The following MAGI3 variants were observed in gnomAD, a reference collection of about 807,000 sequenced individuals.
MAGI3 encodes the protein membrane associated guanylate kinase, WW and PDZ domain containing 3, also known as membrane-associated guanylate kinase, WW and PDZ domain-containing protein 3.
MAGI3 carries 43 observed loss-of-function variants against 121.8 expected under a neutral mutation model. The observed-to-expected ratio is 0.35, with a 90% CI of 0.28 to 0.46. The LOEUF is 0.46. MAGI3 is among the 20% of genes least tolerant of loss of function. MAGI3 has a pLI of 1.00. For missense variants in MAGI3, 1,547 were observed against 1,797.3 expected (o/e 0.86, Z 2.52); for synonymous variants, 553 against 639.3 (o/e 0.86, Z 2.04).
In MAGI3 at chr1:113,391,412, T is replaced by A. The variant is rs1650807351; in HGVS notation, c.316+63T>A. 1 of 1,528,122 alleles carries A rather than the reference T, an allele frequency of 6.5e-7. No homozygotes were observed. Among genetic ancestry groups the A allele is most frequent in the Non-Finnish European group, 8.9e-7 (1 of 1,129,430 alleles). The allele number at this position is 1,528,122 out of a possible 1,614,324, so 94.7% of individuals were successfully genotyped here. A position where few individuals can be genotyped will look rare whatever the true frequency, so the allele number is the denominator to read the frequency against. On this transcript the variant is annotated intron_variant, in intron 1 of 20. Transcript: ENST00000307546. The surrounding 1 kb of genome is among the most constrained non-coding windows in gnomAD (Gnocchi z 4.4). ...GAGAGGGGCTTCAGGGTGGGCGTCC[T>A]GGGAGCGGCGGCACCTCCCCACCGC...
chr1:113,410,756 G>T (rs913526235), intron 1 of MAGI3, among the ~76,000 whole-genome samples: 2 of 152,012 alleles, frequency 1.3e-5, no homozygotes, highest in Non-Finnish European at 2.9e-5. Flanking sequence ...TGACTGTCAT[G>T]TTGATAAACA....
rs751213981 is a variant in MAGI3, at chr1:113,642,025, G to A, written c.1475G>A (p.Arg492His). The A allele has an allele frequency of 1.3e-5, 21 of 1,613,968 alleles. No individual in the cohort carries two copies. The highest frequency in any genetic ancestry group is 2.2e-5 in the East Asian group (1 of 44,898). ...VNQYVNLTLC[R>H]GYPLPDDSED... The stretch of plus-strand genomic sequence containing the variant: ...CAGTATGTAAACCTCACTTTATGTC[G>A]TGGTTATCCACTTCCTGATGACAGT... Residue 492 changes from arginine (R) to histidine (H), a missense_variant, in exon 10 of 21, where the codon CGT (arginine) becomes CAT (histidine). Transcript: ENST00000307546.
At chr1:113,564,339 C>G (rs1435362324) in intron 2 of MAGI3, among the ~76,000 whole-genome samples, 1 of 152,098 alleles carries the variant, frequency 6.6e-6, no homozygotes, top group Non-Finnish European at 1.5e-5. Flanking sequence ...CAAATGAACC[C>G]AGTACCTTGA....
chr1:113,619,052 C>A (rs114110614), intron 7 of MAGI3, among the ~76,000 whole-genome samples: 2,533 of 152,326 alleles, frequency 0.017, 83 homozygotes, highest in African/African-American at 0.057. Flanking sequence ...CTCCTAGCGG[C>A]TAGTCTCCCC....
chr1:113,545,190 A>T (rs1659477347), intron 1 of MAGI3, among the ~76,000 whole-genome samples: 1 of 152,210 alleles, frequency 6.6e-6, no homozygotes, highest in Non-Finnish European at 1.5e-5. Context: ...CAAAAACCCA[A>T]GACCAATTCC....
intron 2 of MAGI3, among the ~76,000 whole-genome samples, chr1:113,560,032 G>C (rs1406819189): frequency 6.6e-6 from 1 of 152,158 alleles, no homozygotes; most frequent in Non-Finnish European, 1.5e-5. Context: ...GGACCCGATA[G>C]TTATCTACAG....
chr1:113,417,464 A>G (rs563997973), intron 1 of MAGI3, among the ~76,000 whole-genome samples: 1 of 152,232 alleles, frequency 6.6e-6, no homozygotes, highest in South Asian at 2.1e-4. Context: ...CCCAGGCTGG[A>G]GTGCAGTGGT....
intron 2 of MAGI3, among the ~76,000 whole-genome samples, chr1:113,560,274 G>T (rs1031984840): frequency 6.6e-6 from 1 of 152,106 alleles, no homozygotes; most frequent in Non-Finnish European, 1.5e-5. Flanking sequence ...GCTACTCGGG[G>T]CTGAGGCAGG....
At chr1:113,458,733 G>T (rs1570705655) in intron 1 of MAGI3, among the ~76,000 whole-genome samples, 1 of 151,852 alleles carries the variant, frequency 6.6e-6, no homozygotes, top group East Asian at 1.9e-4. Flanking sequence ...TGTTGCCTAG[G>T]CTGGAATGCA....
chr1:113,553,232 A>C (rs1659854679), intron 2 of MAGI3, among the ~76,000 whole-genome samples: 1 of 152,158 alleles, frequency 6.6e-6, no homozygotes, highest in South Asian at 2.1e-4. Context: ...CCACAGCACA[A>C]GGAGGGAGAG....
intron 1 of MAGI3, among the ~76,000 whole-genome samples, chr1:113,523,635 G>A (rs1658310672): frequency 6.6e-6 from 1 of 152,188 alleles, no homozygotes; most frequent in Non-Finnish European, 1.5e-5. Context: ...TCTGGTGGAA[G>A]AAATCTCTAA....
chr1:113,627,657 T>C (rs1425549671), intron 9 of MAGI3, among the ~76,000 whole-genome samples: 1 of 150,066 alleles, frequency 6.7e-6, no homozygotes, highest in Non-Finnish European at 1.5e-5. Context: ...TCTCTTTAGC[T>C]CTAGTAAAGC....
intron 1 of MAGI3, among the ~76,000 whole-genome samples, chr1:113,524,338 T>C (rs555047464): frequency 9.2e-5 from 14 of 151,812 alleles, no homozygotes; most frequent in Non-Finnish European, 1.9e-4. Context: ...CCCAGAATGG[T>C]AGATCCACAG....
chr1:113,684,149 G>C lies in MAGI3; in HGVS notation c.*135G>C, dbSNP rs1648405742. 1.1e-5 allele frequency: 11 copies of C among 1,029,314 alleles called. No individual in the cohort carries two copies. The South Asian group carries it at 2.1e-4, about 19-fold the overall frequency. The allele number at this position is 1,029,314 out of a possible 1,614,324, so 63.8% of individuals were successfully genotyped here. ...GTTAATGTGAGCCTCAAGTTACCTA[G>C]GCTGCATGAAGGGCCTTTAGGATTG... On this transcript the variant is annotated 3_prime_UTR_variant, in exon 21 of 21. Coordinates refer to ENST00000307546, the MANE Select transcript of MAGI3 (RefSeq NM_001142782.2).
At chr1:113,440,216 G>T (rs1653842822) in intron 1 of MAGI3, among the ~76,000 whole-genome samples, 1 of 152,146 alleles carries the variant, frequency 6.6e-6, no homozygotes, top group Non-Finnish European at 1.5e-5. Flanking sequence ...GATGCTAGTT[G>T]TATCTTATCT....
intron 1 of MAGI3, among the ~76,000 whole-genome samples, chr1:113,523,078 T>C (rs182699298): frequency 5.3e-5 from 8 of 152,264 alleles, no homozygotes; most frequent in Admixed American, 3.3e-4. Flanking sequence ...CGAGATCTGA[T>C]GGTTTTATAA....
At chr1:113,443,304 C>G (rs1319865115) in intron 1 of MAGI3, among the ~76,000 whole-genome samples, 1 of 152,116 alleles carries the variant, frequency 6.6e-6, no homozygotes, top group East Asian at 1.9e-4. Context: ...TTTTAATGCA[C>G]AGAATATAGT....
intron 16 of MAGI3, among the ~76,000 whole-genome samples, chr1:113,669,029 A>G (rs975850348): frequency 6.6e-6 from 1 of 152,230 alleles, no homozygotes; most frequent in Admixed American, 6.5e-5. Flanking sequence ...CACTCATTAC[A>G]ATAGCCAAGC....
intron 9 of MAGI3, among the ~76,000 whole-genome samples, chr1:113,634,452 T>C (rs890557282): frequency 1.3e-5 from 2 of 152,254 alleles, no homozygotes; most frequent in African/African-American, 4.8e-5. Context: ...TTTCTACATA[T>C]GGCTAGCCAG....
Sources: allele counts gnomAD v4.1 joint callset (sites outside exome capture counted in the v4.1 genomes callset), GRCh38; gene constraint gnomAD v4.1.1; non-coding constraint Gnocchi (gnomAD v3.1); transcripts MANE v1.5; gene names NCBI Gene and HGNC (gene_info 2026-07-23, HGNC 2026-07-21).